The following ARHGEF18 variants were observed in gnomAD, a reference collection of about 807,000 sequenced individuals.
ARHGEF18 encodes rho guanine nucleotide exchange factor 18.
Under a neutral mutation model 155.7 loss-of-function variants are expected in ARHGEF18, and 93 were observed. The observed-to-expected ratio is 0.60, with a 90% CI of 0.50 to 0.71. ARHGEF18 has a LOEUF of 0.71. ARHGEF18 is among the 30% of genes least tolerant of loss of function. The pLI is 0.00. For missense variants in ARHGEF18, 1,593 were observed against 1,816.1 expected (o/e 0.88, Z 2.23); for synonymous variants, 742 against 753.1 (o/e 0.99, Z 0.24).
At position 7,388,901 on chromosome 19, in the gene ARHGEF18, A is replaced by T. The variant is rs1015633833; in HGVS notation, c.967+5698A>T. Among the ~76,000 whole-genome samples, 2 of 151,998 alleles carry T rather than the reference A, an allele frequency of 1.3e-5. 1 individual carries two copies. The highest frequency in any genetic ancestry group is 2.9e-5 in the Non-Finnish European group (2 of 67,974). ...TGGCCTGCCCTTTGATTTTTAAAAAATATACTTTTAATTTTATATTTACAG... is the reference window on the plus strand; with the variant it reads ...TGGCCTGCCCTTTGATTTTTAAAAATTATACTTTTAATTTTATATTTACAG... On this transcript the variant is annotated intron_variant, in intron 10 of 28. Coordinates refer to ENST00000668164, the MANE Select transcript of ARHGEF18 (RefSeq NM_001367823.1).
At chr19:7,429,023 C>T (rs1350249636) in intron 10 of ARHGEF18, among the ~76,000 whole-genome samples, 8 of 152,232 alleles carry the variant, frequency 5.3e-5, no homozygotes, top group South Asian at 2.1e-4. Flanking sequence ...GCCTAGGCCA[C>T]GGGCCCGAGG....
At chr19:7,456,203 C>A in intron 17 of ARHGEF18, 124 bp from the exon 18 acceptor site, 1 of 874,034 alleles carries the variant, frequency 1.1e-6, no homozygotes, top group South Asian at 1.4e-5. Context: ...AAGGAAACTT[C>A]TAGGCCCAGG....
In ARHGEF18 at chr19:7,370,966, G is replaced by A. The variant is rs532349279; in HGVS notation, c.16-1846G>A. Among the ~76,000 whole-genome samples, 5 of 151,442 alleles carry A rather than the reference G, an allele frequency of 3.3e-5. No individual in the cohort carries two copies. The East Asian group carries it at 5.8e-4, about 18-fold the overall frequency. On this transcript the variant is annotated intron_variant, in intron 2 of 28. Coordinates refer to ENST00000668164, the MANE Select transcript of ARHGEF18 (RefSeq NM_001367823.1). ...TGCTTTGTCACCCAGGCTGGAGTGC[G>A]ATAGCATGATCACAGCTCACTTCAG...
rs1976315675 is a variant in ARHGEF18, at chr19:7,462,247, C to G, written c.2548C>G (p.Leu850Val). Reference protein sequence around the residue: ...EMAEMGGLEDLPQPRGLFRGG... With the variant: ...EMAEMGGLEDVPQPRGLFRGG... ...GGCCGAGATGGGCGGCCTCGAAGAC[C>G]TGCCCCAGCCCCGAGGCCTATTCCG... Residue 850 changes from leucine (L) to valine (V), a missense_variant, in exon 21 of 29, where the codon CTG becomes GTG. Transcript: ENST00000668164. This position sits in a 1 kb window ranked among gnomAD's most constrained non-coding sequence, Gnocchi z 4.4. The G allele has an allele frequency of 6.2e-7, 1 of 1,613,900 alleles. No homozygotes were observed. The highest frequency in any genetic ancestry group is 8.5e-7 in the Non-Finnish European group (1 of 1,180,032).
chr19:7,402,275 C>G (rs1452853385), intron 10 of ARHGEF18, among the ~76,000 whole-genome samples: 1 of 152,016 alleles, frequency 6.6e-6, no homozygotes. Flanking sequence ...AAAAATTAGC[C>G]AGGTGTGGTG....
intron 10 of ARHGEF18, among the ~76,000 whole-genome samples, chr19:7,386,888 C>T (rs1971111741): frequency 6.6e-6 from 1 of 152,076 alleles, no homozygotes; most frequent in Admixed American, 6.6e-5. Context: ...GATCCCTTCT[C>T]CACTCTGGGC....
Position 7,470,122 on chromosome 19 carries a change from C to A in ARHGEF18, c.3914-4C>A. ...GCTCAGTCTGAACCCTCTCTCTGTT[C>A]CAGACCCTGGCTTCCCCGCCCCGAG... On this transcript the variant is annotated splice_polypyrimidine_tract_variant and splice_region_variant and intron_variant, in intron 28 of 28. Coordinates refer to ENST00000668164, the MANE Select transcript of ARHGEF18 (RefSeq NM_001367823.1). This position sits in a 1 kb window ranked among gnomAD's most constrained non-coding sequence, Gnocchi z 5.9. The A allele has an allele frequency of 2.5e-6, 4 of 1,612,364 alleles. No individual in the cohort carries two copies. The Middle Eastern group carries it at 5.0e-4, about 200-fold the overall frequency.
At chr19:7,398,946 C>T (rs1450031760) in intron 10 of ARHGEF18, among the ~76,000 whole-genome samples, 1 of 152,200 alleles carries the variant, frequency 6.6e-6, no homozygotes, top group Non-Finnish European at 1.5e-5. Flanking sequence ...ACATGTTTAA[C>T]ATAGCTCAGA....
chr19:7,350,249 G>A (rs1175108318), intron 1 of ARHGEF18, among the ~76,000 whole-genome samples: 3 of 152,158 alleles, frequency 2.0e-5, no homozygotes, highest in East Asian at 3.8e-4. Flanking sequence ...TAGGAAGGTG[G>A]CCCCAGAACC....
intron 10 of ARHGEF18, among the ~76,000 whole-genome samples, chr19:7,411,273 C>CCCCTTTCCCTTT (rs1452830796): frequency 9.2e-6 from 1 of 108,864 alleles, no homozygotes; most frequent in African/African-American, 3.0e-5. Flanking sequence ...CCTTCCCCTT[C>CCCCTTTCCCTTT]CCCTTTCCCT....
At chr19:7,469,663 A>G (rs1976892401) in intron 27 of ARHGEF18, among the ~76,000 whole-genome samples, 1 of 152,084 alleles carries the variant, frequency 6.6e-6, no homozygotes, top group Non-Finnish European at 1.5e-5. Flanking sequence ...TGCTATTTCC[A>G]CAGGAGGCTC....
rs895183678 is a variant in ARHGEF18 at position 7,353,609 on chromosome 19, GAAAAGAAAAGA to G, written c.-111+4378_-111+4388del. ...CCATCTCAAAAAAAAAAAAGAAAAA[GAAAAGAAAAGA>G]AAAAGAAAAAGAAATAGATATCCCT... On this transcript the variant is annotated intron_variant, in intron 1 of 28. Coordinates refer to ENST00000668164, the MANE Select transcript of ARHGEF18 (RefSeq NM_001367823.1). 2.9e-4 allele frequency among the ~76,000 whole-genome samples: 43 copies of G among 149,248 alleles called. No homozygotes were observed. The East Asian group carries it at 6.9e-3, about 24-fold the overall frequency.
chr19:7,414,718 A>T (rs1177403511), intron 10 of ARHGEF18, among the ~76,000 whole-genome samples: 1 of 152,126 alleles, frequency 6.6e-6, no homozygotes, highest in East Asian at 1.9e-4. Flanking sequence ...CTGAGGCAGG[A>T]GAATCGCTTG....
At position 7,395,950 on chromosome 19, in the gene ARHGEF18, G is replaced by A. The variant is rs1320933160; in HGVS notation, c.967+12747G>A. Among the ~76,000 whole-genome samples the A allele has an allele frequency of 2.0e-5, 3 of 150,990 alleles. No individual in the cohort carries two copies. The highest frequency in any genetic ancestry group is 1.5e-5 in the Non-Finnish European group (1 of 68,024). On this transcript the variant is annotated intron_variant, in intron 10 of 28. Transcript: ENST00000668164. The surrounding 1 kb of genome is among the most constrained non-coding windows in gnomAD (Gnocchi z 5.0). ...GGGTGTGACTGATCTCGTCACCCAGGTACTGAGCATAGTACTCAATAGATA... is the reference window on the plus strand; with the variant it reads ...GGGTGTGACTGATCTCGTCACCCAGATACTGAGCATAGTACTCAATAGATA...
At chr19:7,414,486 G>A (rs982995464) in intron 10 of ARHGEF18, among the ~76,000 whole-genome samples, 2 of 152,080 alleles carry the variant, frequency 1.3e-5, no homozygotes, top group African/African-American at 4.8e-5. Flanking sequence ...GACCAGCCTA[G>A]CCAACATGGT....
intron 16 of ARHGEF18, 140 bp downstream of exon 16, chr19:7,451,406 T>C: frequency 8.0e-6 from 2 of 250,098 alleles, no homozygotes; most frequent in Non-Finnish European, 1.3e-5. Context: ...GTTCCTTCCT[T>C]TTTTTTTTTT....
rs1401475352 is a variant in ARHGEF18 at position 7,451,238 on chromosome 19, G to C, written c.1827G>C (p.Leu609=). The C allele has an allele frequency of 1.2e-6, 2 of 1,610,604 alleles. No homozygotes were observed. Among genetic ancestry groups the C allele is most frequent in the Admixed American group, 1.7e-5 (1 of 59,566 alleles). The change falls in exon 16 of 29, where the codon CTG becomes CTC. Residue 609 remains leucine, a synonymous_variant. Coordinates refer to ENST00000668164, the MANE Select transcript of ARHGEF18 (RefSeq NM_001367823.1). The part of the protein sequence containing the change: ...VTQRITKYPV[L]VERIIQNTEA... ...AACGCATAACCAAATACCCAGTGCT[G>C]GTGGAGCGCATCATCCAGAACACGG...
intron 23 of ARHGEF18, 92 bp from the exon 24 acceptor site, chr19:7,466,826 A>AAAAT (rs1976642936): frequency 9.5e-6 from 10 of 1,057,210 alleles, no homozygotes; most frequent in Non-Finnish European, 1.2e-5. Flanking sequence ...AAAAAAAAAA[A>AAAAT]GTTAAAAAAA....
intron 14 of ARHGEF18, 126 bp from the exon 15 acceptor site, chr19:7,446,917 A>G (rs1374794495): frequency 6.5e-6 from 8 of 1,234,770 alleles, no homozygotes; most frequent in African/African-American, 1.6e-5. Context: ...AAAAAGAAGA[A>G]GAAAGAAAGA....
Sources: gnomAD v4.1 joint callset for allele counts (sites outside exome capture counted in the v4.1 genomes callset) on GRCh38, gnomAD v4.1.1 for gene constraint, Gnocchi (gnomAD v3.1) non-coding constraint, MANE v1.5 for transcripts, NCBI Gene and HGNC (gene_info 2026-07-23, HGNC 2026-07-21) for gene names.